Variants in SIRPA observed in about 807,000 individuals in gnomAD.
SIRPA encodes signal regulatory protein alpha.
In SIRPA, 9 loss-of-function variants were observed where a neutral mutation model predicts 50.3. That is an observed-to-expected ratio of 0.18 (90% CI 0.11 to 0.31). SIRPA has a LOEUF of 0.31. Ranked by LOEUF, SIRPA falls within the 10% of genes least tolerant of loss-of-function variation. SIRPA has a pLI of 1.00. For synonymous variants in SIRPA, 265 were observed against 284.1 expected, an observed-to-expected ratio of 0.93 and a Z score of 0.68; for missense variants, 474 against 661.6, an observed-to-expected ratio of 0.72 and a Z score of 3.11.
At chr20:1,904,160 C>A (rs1223993608) in intron 1 of SIRPA, among the ~76,000 whole-genome samples, 1 of 152,170 alleles carries the variant, frequency 6.6e-6, no homozygotes, top group Non-Finnish European at 1.5e-5. Flanking sequence ...CAATTCCCTG[C>A]CCATCAAGCT....
intron 2 of SIRPA, among the ~76,000 whole-genome samples, chr20:1,920,439 C>T (rs574708004): frequency 5.3e-5 from 8 of 152,196 alleles, no homozygotes; most frequent in Non-Finnish European, 8.8e-5. Context: ...GACACGTTTA[C>T]GACCCATCTG....
At chr20:1,930,559 A>T (rs370254659) in intron 6 of SIRPA, among the ~76,000 whole-genome samples, 33 of 152,030 alleles carry the variant, frequency 2.2e-4, no homozygotes. Flanking sequence ...ATCTAGGAGG[A>T]TCTCTCTTTT....
rs1281221077 is a variant in SIRPA, at chr20:1,937,920, C to T, written c.*352C>T. On this transcript the variant is annotated 3_prime_UTR_variant, in exon 8 of 8. Transcript: ENST00000358771. This position sits in a 1 kb window ranked among gnomAD's most constrained non-coding sequence, Gnocchi z 8.3. ...ACCCTCGACTGCCTCCCCGATGCTC[C>T]GAAGCCTGATCTTCCAGGGTGGGGA... The T allele has an allele frequency of 5.8e-5, 15 of 257,734 alleles. No individual in the cohort carries two copies. Among genetic ancestry groups the T allele is most frequent in the Admixed American group, 9.8e-5 (2 of 20,476 alleles). 16.0% of individuals were successfully genotyped at this position (257,734 alleles called of 1,614,324 possible).
chr20:1,930,308 C>T (rs1448901759), intron 6 of SIRPA, among the ~76,000 whole-genome samples: 4 of 152,228 alleles, frequency 2.6e-5, no homozygotes, highest in Non-Finnish European at 5.9e-5. Context: ...TGCACCTGTC[C>T]CATTTCATAA....
intron 4 of SIRPA, among the ~76,000 whole-genome samples, chr20:1,923,647 A>G (rs889811655): frequency 7.0e-6 from 1 of 143,668 alleles, no homozygotes; most frequent in African/African-American, 2.4e-5. Context: ...GCATTGGGCA[A>G]TGCTAGGTTT....
chr20:1,900,776 GA>G (rs923179008), intron 1 of SIRPA, among the ~76,000 whole-genome samples: 9 of 152,336 alleles, frequency 5.9e-5, no homozygotes, highest in African/African-American at 1.9e-4. Context: ...ACAGGATCCC[GA>G]ATTCCCCGGG....
rs1354532038 is a variant in SIRPA at position 1,939,811 on chromosome 20, C to T, written c.*2243C>T. 4 of 152,772 alleles carry T rather than the reference C, an allele frequency of 2.6e-5. No homozygotes were observed. In the East Asian group the frequency reaches 7.7e-4, roughly 29 times the overall value. 9.5% of individuals were successfully genotyped at this position (152,772 alleles called of 1,614,324 possible). A position where few individuals can be genotyped will look rare whatever the true frequency, so the allele number is the denominator to read the frequency against. On this transcript the variant is annotated 3_prime_UTR_variant, in exon 8 of 8. Transcript: ENST00000358771. This position sits in a 1 kb window ranked among gnomAD's most constrained non-coding sequence, Gnocchi z 4.7. ...TATTTTAAGACTGCTGGGAAGGAAACAGGCCCCATTTTGTATATAGTTGCA... is the reference window on the plus strand; with the variant it reads ...TATTTTAAGACTGCTGGGAAGGAAATAGGCCCCATTTTGTATATAGTTGCA...
At position 1,934,894 on chromosome 20, in the gene SIRPA, C is replaced by A; in HGVS notation, c.1266+140C>A. 1 of 901,844 alleles carries A rather than the reference C, an allele frequency of 1.1e-6. No homozygotes were observed. The highest frequency in any genetic ancestry group is 1.5e-5 in the South Asian group (1 of 66,804). 55.9% of individuals were successfully genotyped at this position (901,844 alleles called of 1,614,324 possible). A position where few individuals can be genotyped will look rare whatever the true frequency, so the allele number is the denominator to read the frequency against. On this transcript the variant is annotated intron_variant, in intron 7 of 7. Coordinates refer to ENST00000358771, the MANE Select transcript of SIRPA (RefSeq NM_001040023.2). The surrounding 1 kb of genome is among the most constrained non-coding windows in gnomAD (Gnocchi z 4.6). ...AGGATCTTACACTCCTAGCTTTCCC[C>A]ATGTCCTGTGCATATTCCTTCTCTC...
In SIRPA at chr20:1,932,098, T is replaced by G. The variant is rs186138094; in HGVS notation, c.1227-2617T>G. On this transcript the variant is annotated intron_variant, in intron 6 of 7. Coordinates refer to ENST00000358771, the MANE Select transcript of SIRPA (RefSeq NM_001040023.2). This position sits in a 1 kb window ranked among gnomAD's most constrained non-coding sequence, Gnocchi z 6.0. The stretch of plus-strand genomic sequence containing the variant: ...CATTCATTCATTCAGCAAATACATA[T>G]GGACTGCTGACGATGTGCCAGCCCA... Among the ~76,000 whole-genome samples the G allele has an allele frequency of 1.3e-5, 2 of 151,794 alleles. No homozygotes were observed. Among genetic ancestry groups the G allele is most frequent in the Non-Finnish European group, 2.9e-5 (2 of 67,968 alleles).
At position 1,923,978 on chromosome 20, in the gene SIRPA, CTGGTTGGTTGGTTGGTTGGTTGGT is replaced by C. The variant is rs35923845; in HGVS notation, c.1088-764_1088-741del. Reference sequence around the variant, plus strand: ...GAGGATAAAAGAGTCAGTTGGTTGGCTGGTTGGTTGGTTGGTTGGTTGGTTGGTTGGTTGGTTGGTTGGTTACAT... The same window carrying C: ...GAGGATAAAAGAGTCAGTTGGTTGGCTGGTTGGTTGGTTGGTTGGTTACAT... On this transcript the variant is annotated intron_variant, in intron 4 of 7. Coordinates refer to ENST00000358771, the MANE Select transcript of SIRPA (RefSeq NM_001040023.2). 1.0e-4 allele frequency among the ~76,000 whole-genome samples: 15 copies of C among 150,162 alleles called. No homozygotes were observed. In the East Asian group the frequency reaches 1.6e-3, roughly 16 times the overall value.
chr20:1,904,767 GGGA>G (rs1478980371), intron 1 of SIRPA, among the ~76,000 whole-genome samples: 1 of 152,138 alleles, frequency 6.6e-6, no homozygotes, highest in African/African-American at 2.4e-5. Context: ...TTCTGTGACC[GGGA>G]GGCTTGGCTC....
Position 1,921,613 on chromosome 20 carries a change from C to T in SIRPA, c.655C>T (p.Arg219Cys), listed in dbSNP as rs767886843. The change falls in exon 3 of 8, where the codon CGC becomes TGC. Residue 219 changes from arginine (R) to cysteine (C), a missense_variant. Physicochemically the swap from Arg to Cys is radical, Grantham distance 180 (BLOSUM62 -3). This residue lies in a region of SIRPA where 221 missense variants were observed against 359.9 expected (regional missense o/e 0.61). Coordinates refer to ENST00000358771, the MANE Select transcript of SIRPA (RefSeq NM_001040023.2). ...CAGCACAGCCAAGGTGGTGCTGACC[C>T]GCGAGGACGTTCACTCTCAAGTCAT... ...IHSTAKVVLT[R>C]EDVHSQVICE... 2.2e-5 allele frequency: 35 copies of T among 1,614,106 alleles called. No homozygotes were observed. The highest frequency in any genetic ancestry group is 3.3e-5 in the Admixed American group (2 of 60,008).
intron 1 of SIRPA, among the ~76,000 whole-genome samples, chr20:1,914,235 T>A (rs72620869): frequency 6.6e-6 from 1 of 151,736 alleles, no homozygotes; most frequent in Non-Finnish European, 1.5e-5. Context: ...CTACCCATCC[T>A]GTAGATAAGA....
chr20:1,937,355 G>T lies in SIRPA; in HGVS notation c.1302G>T (p.Leu434=), dbSNP rs776939409. The change falls in exon 8 of 8, where the codon CTG becomes CTT. Residue 434 remains leucine, a synonymous_variant. Transcript: ENST00000358771. The surrounding 1 kb of genome is among the most constrained non-coding windows in gnomAD (Gnocchi z 8.3). ...TNDITYADLN[L]PKGKKPAPQA... ...ATATCACATATGCAGACCTGAACCTGCCCAAGGGGAAGAAGCCTGCTCCCC... is the reference window on the plus strand; with the variant it reads ...ATATCACATATGCAGACCTGAACCTTCCCAAGGGGAAGAAGCCTGCTCCCC... 1.2e-6 allele frequency: 2 copies of T among 1,614,086 alleles called. No homozygotes were observed. The highest frequency in any genetic ancestry group is 2.2e-5 in the East Asian group (1 of 44,862).
chr20:1,926,795 C>G (rs1986005044), intron 5 of SIRPA, among the ~76,000 whole-genome samples: 1 of 152,222 alleles, frequency 6.6e-6, no homozygotes, highest in Non-Finnish European at 1.5e-5. Context: ...CTAGGACCAC[C>G]TTGCACACTA....
intron 1 of SIRPA, among the ~76,000 whole-genome samples, chr20:1,906,500 G>A (rs6111920): frequency 1.3e-5 from 2 of 152,060 alleles, no homozygotes; most frequent in Non-Finnish European, 1.5e-5. Context: ...GGAGAGGAGC[G>A]AGCCAGACAT....
At chr20:1,922,698 G>GT in intron 4 of SIRPA, 53 bp downstream of exon 4, 2 of 1,523,252 alleles carry the variant, frequency 1.3e-6, no homozygotes, top group South Asian at 1.2e-5. Context: ...AGTTTTGTGG[G>GT]TTTTTTAAAT....
rs780039088 is a variant in SIRPA, at chr20:1,927,828, G to C, written c.1202-47G>C. 1.9e-6 allele frequency: 3 copies of C among 1,592,778 alleles called. No individual in the cohort carries two copies. Among genetic ancestry groups the C allele is most frequent in the Non-Finnish European group, 2.6e-6 (3 of 1,160,702 alleles). ...GCCAAAAAATAGTTACATAAGAAAA[G>C]TGTGCTTCTAGTTAAACAACTGGCT... On this transcript the variant is annotated intron_variant, in intron 5 of 7. Coordinates refer to ENST00000358771, the MANE Select transcript of SIRPA (RefSeq NM_001040023.2). The surrounding 1 kb of genome is among the most constrained non-coding windows in gnomAD (Gnocchi z 6.5).
At chr20:1,915,887 T>C (rs1985257051) in intron 2 of SIRPA, among the ~76,000 whole-genome samples, 1 of 152,208 alleles carries the variant, frequency 6.6e-6, no homozygotes, top group Admixed American at 6.5e-5. Flanking sequence ...TCCGCCAAGC[T>C]TGTGTTCTCA....
Sources: gnomAD v4.1 joint callset for allele counts (sites outside exome capture counted in the v4.1 genomes callset) on GRCh38, gnomAD v4.1.1 for gene constraint, gnomAD v4.1.1 regional missense constraint, Gnocchi (gnomAD v3.1) non-coding constraint, MANE v1.5 for transcripts, NCBI Gene and HGNC (gene_info 2026-07-23, HGNC 2026-07-21) for gene names.